Variants in CCDC77 observed in about 807,000 individuals in gnomAD.
The protein encoded by CCDC77 is coiled-coil domain-containing protein 77.
A neutral mutation model predicts 66.8 loss-of-function variants in CCDC77; 56 were observed. The observed-to-expected ratio is 0.84, with a 90% CI of 0.68 to 1.05. The LOEUF is 1.05. Among genes scored for constraint, CCDC77 ranks in the 50% least tolerant of loss-of-function variants. The probability of loss-of-function intolerance (pLI) is 0.00; values close to 1 mark genes in which losing one functional copy is unlikely to be tolerated. For synonymous variants in CCDC77, 196 were observed against 195.2 expected, an observed-to-expected ratio of 1.00 and a Z score of -0.03; for missense variants, 570 against 576.8, an observed-to-expected ratio of 0.99 and a Z score of 0.12.
chr12:396,368 C>T (rs1004664188), intron 1 of CCDC77, among the ~76,000 whole-genome samples: 7 of 151,356 alleles, frequency 4.6e-5, no homozygotes, highest in South Asian at 4.2e-4. Context: ...CTCCAGCCTG[C>T]GGGACAGAGC....
chr12:432,568 AT>A (rs1945673396), intron 8 of CCDC77, among the ~76,000 whole-genome samples: 1 of 152,186 alleles, frequency 6.6e-6, no homozygotes, highest in East Asian at 1.9e-4. Flanking sequence ...GAAAAGAGTC[AT>A]TTTGCTTCTG....
rs143367464 is a variant in CCDC77 at position 441,880 on chromosome 12, C to T, written c.1427C>T (p.Ser476Leu). 2.9e-5 allele frequency: 46 copies of T among 1,613,496 alleles called. No individual in the cohort carries two copies. Among genetic ancestry groups the T allele is most frequent in the African/African-American group, 1.1e-4 (8 of 74,722 alleles). The change falls in exon 13 of 13, where the codon TCG becomes TTG. Residue 476 changes from serine to leucine, a missense_variant. Ser to Leu is a moderately radical substitution (Grantham distance 145). Coordinates refer to ENST00000239830, the MANE Select transcript of CCDC77 (RefSeq NM_032358.4). ...CAAGGAGAACTGAAGAATCTTAAGT[C>T]GAAAGTGTTTGGTCTGGAGAATGAA... Reference protein sequence around the residue: ...KIQGELKNLKSKVFGLENELR... With the variant: ...KIQGELKNLKLKVFGLENELR...
intron 4 of CCDC77, among the ~76,000 whole-genome samples, chr12:416,851 T>G (rs1177968183): frequency 1.3e-5 from 2 of 151,340 alleles, no homozygotes; most frequent in Non-Finnish European, 2.9e-5. Flanking sequence ...CTCGTGCCTG[T>G]AATCCCAGCA....
At chr12:429,463 CTTT>C (rs11385474) in intron 6 of CCDC77, among the ~76,000 whole-genome samples, 1 of 142,980 alleles carries the variant, frequency 7.0e-6, no homozygotes, top group Admixed American at 7.0e-5. Flanking sequence ...CCAAGAGCTA[CTTT>C]TTTTTTTTTT....
chr12:430,719 C>T lies in CCDC77; in HGVS notation c.566C>T (p.Ser189Phe). The change falls in exon 7 of 13, where the codon TCT becomes TTT. Residue 189 changes from serine (S) to phenylalanine (F), a missense_variant. Ser to Phe is a radical substitution (Grantham distance 155). Transcript: ENST00000239830. ...QAVGECEQSE[S>F]SAFKADPKIS... ...GTAGGTGAATGTGAGCAGAGTGAAT[C>T]TTCAGCTTTCAAAGCAGGTAACAAC... 1 of 1,613,152 alleles carries T rather than the reference C, an allele frequency of 6.2e-7. No individual in the cohort carries two copies.
chr12:430,997 T>G (rs1349855204), intron 7 of CCDC77, among the ~76,000 whole-genome samples: 1 of 150,550 alleles, frequency 6.6e-6, no homozygotes, highest in Non-Finnish European at 1.5e-5. Flanking sequence ...GGAGGATTTC[T>G]TGAACCTGGG....
At chr12:416,371 GTGTGTGTATATA>G (rs1179627774) in intron 4 of CCDC77, among the ~76,000 whole-genome samples, 3 of 27,648 alleles carry the variant, frequency 1.1e-4, no homozygotes, top group East Asian at 7.6e-4. Context: ...GTGTGTGTGT[GTGTGTGTATATA>G]TATATATATA....
chr12:415,353 A>AATATTATGTTAATATAATCAACG lies in CCDC77; in HGVS notation c.271-3141_271-3140insATATTATGTTAATATAATCAACG, dbSNP rs1945213438. Among the ~76,000 whole-genome samples the AATATTATGTTAATATAATCAACG allele has an allele frequency of 7.9e-5, 7 of 88,946 alleles. 1 individual carries two copies. Among genetic ancestry groups the AATATTATGTTAATATAATCAACG allele is most frequent in the African/African-American group, 1.3e-4 (3 of 22,718 alleles). The allele number at this position is 88,946 out of a possible 152,430, so 58.4% of individuals were successfully genotyped here. On this transcript the variant is annotated intron_variant, in intron 4 of 12. Coordinates refer to ENST00000239830, the MANE Select transcript of CCDC77 (RefSeq NM_032358.4). ...ATAATATTATGTTAATATAATCAAC[A>AATATTATGTTAATATAATCAACG]TAATATTATGTTAATATAATCAACA...
chr12:442,019 T>C lies in CCDC77; in HGVS notation c.*99T>C, dbSNP rs900322137. On this transcript the variant is annotated 3_prime_UTR_variant, in exon 13 of 13. Transcript: ENST00000239830. ...CCAGAAAATGTAAACCTGAGTTGAC[T>C]AGAGTGGTGGTATTCATTATTGTAA... 5.5e-6 allele frequency: 7 copies of C among 1,275,460 alleles called. No homozygotes were observed. The highest frequency in any genetic ancestry group is 5.4e-5 in the Admixed American group (3 of 56,042). The allele number at this position is 1,275,460 out of a possible 1,614,324, so 79.0% of individuals were successfully genotyped here.
chr12:425,204 G>A (rs534493296), intron 5 of CCDC77, among the ~76,000 whole-genome samples: 14 of 151,418 alleles, frequency 9.2e-5, no homozygotes, highest in African/African-American at 2.4e-4. Context: ...GTGCTGGGAT[G>A]TCAAGCGTGA....
intron 1 of CCDC77, among the ~76,000 whole-genome samples, chr12:404,494 T>G (rs1259600709): frequency 6.6e-6 from 1 of 152,004 alleles, no homozygotes; most frequent in Non-Finnish European, 1.5e-5. Flanking sequence ...GAGGCCTGGC[T>G]CAGTGGCTCA....
chr12:417,760 C>G (rs974158375), intron 4 of CCDC77, among the ~76,000 whole-genome samples: 2 of 151,930 alleles, frequency 1.3e-5, no homozygotes, highest in Non-Finnish European at 2.9e-5. Context: ...CTAAAATTAG[C>G]TGGGCGTGGT....
chr12:414,095 CTT>C (rs751242537), intron 4 of CCDC77, among the ~76,000 whole-genome samples: 17 of 137,832 alleles, frequency 1.2e-4, no homozygotes, highest in Admixed American at 1.5e-4. Flanking sequence ...TCTTGATTTC[CTT>C]TTTTTTTTTT....
chr12:411,781 A>G lies in CCDC77; in HGVS notation c.73A>G (p.Ser25Gly). Residue 25 changes from serine to glycine, a missense_variant, in exon 4 of 13, where the codon AGT becomes GGT. Coordinates refer to ENST00000239830, the MANE Select transcript of CCDC77 (RefSeq NM_032358.4). ...TVVSKRGVAV[S>G]GPTKRRGMAD... ...TGTCTCCAAACGTGGTGTTGCCGTCAGTGGTCCCACCAAGAGGAGGGGAAT... is the reference window on the plus strand; with the variant it reads ...TGTCTCCAAACGTGGTGTTGCCGTCGGTGGTCCCACCAAGAGGAGGGGAAT... 1 of 1,613,850 alleles carries G rather than the reference A, an allele frequency of 6.2e-7. No individual in the cohort carries two copies. Among genetic ancestry groups the G allele is most frequent in the Non-Finnish European group, 8.5e-7 (1 of 1,179,922 alleles).
rs78524210 is a variant in CCDC77 at position 437,127 on chromosome 12, A to G, written c.822-1208A>G. ...ATTTGTTTGGTAGAAAAATACAGTG[A>G]TTGCTTCATGGTATTTAATACTCTT... On this transcript the variant is annotated intron_variant, in intron 9 of 12. Coordinates refer to ENST00000239830, the MANE Select transcript of CCDC77 (RefSeq NM_032358.4). 1.9e-3 allele frequency among the ~76,000 whole-genome samples: 287 copies of G among 152,246 alleles called. 5 individuals carry two copies. In the East Asian group the frequency reaches 0.031, roughly 17 times the overall value.
rs1240487468 is a variant in CCDC77 at position 405,553 on chromosome 12, T to G, written c.-28T>G. On this transcript the variant is annotated 5_prime_UTR_variant, in exon 2 of 13. Coordinates refer to ENST00000239830, the MANE Select transcript of CCDC77 (RefSeq NM_032358.4). ...CACATTGACCCAATTTGGAGACGTATTTTGGAAGGAGGTGAGTTTGGAGGA... is the reference window on the plus strand; with the variant it reads ...CACATTGACCCAATTTGGAGACGTAGTTTGGAAGGAGGTGAGTTTGGAGGA... 6.6e-6 allele frequency: 1 copy of G among 152,136 alleles called. No individual in the cohort carries two copies. The highest frequency in any genetic ancestry group is 1.5e-5 in the Non-Finnish European group (1 of 68,032). 9.4% of individuals were successfully genotyped at this position (152,136 alleles called of 1,614,324 possible).
At chr12:430,816 C>A in intron 7 of CCDC77, 80 bp downstream of exon 7, 2 of 1,126,572 alleles carry the variant, frequency 1.8e-6, no homozygotes, top group Non-Finnish European at 2.7e-6. Flanking sequence ...CGGTGGCTCA[C>A]GCCTGTAATC....
At chr12:427,647 G>C (rs2137595424) in intron 5 of CCDC77, among the ~76,000 whole-genome samples, 1 of 151,810 alleles carries the variant, frequency 6.6e-6, no homozygotes, top group South Asian at 2.1e-4. Flanking sequence ...GATAAATTTT[G>C]CATTTTTAGT....
chr12:418,428 A>G, intron 4 of CCDC77, 66 bp from the exon 5 acceptor site: 4 of 1,487,638 alleles, frequency 2.7e-6, no homozygotes, highest in Non-Finnish European at 2.8e-6. Flanking sequence ...ACTCCTCCCT[A>G]TCCAGTGAGA....
Sources: allele counts gnomAD v4.1 joint callset (sites outside exome capture counted in the v4.1 genomes callset), GRCh38; gene constraint gnomAD v4.1.1; transcripts MANE v1.5; gene names NCBI Gene and HGNC (gene_info 2026-07-23, HGNC 2026-07-21).